LAMP2: variants seen among roughly 807,000 people sequenced by gnomAD.
The protein encoded by LAMP2 is lysosome-associated membrane glycoprotein 2.
In LAMP2, 4 loss-of-function variants were observed where a neutral mutation model predicts 25.6. The observed-to-expected ratio is 0.16, with a 90% CI of 0.08 to 0.36. The LOEUF is 0.36. LAMP2 is among the 10% of genes least tolerant of loss of function. The pLI, the probability that LAMP2 is intolerant of heterozygous loss-of-function variation, is 1.00. For synonymous variants in LAMP2, 108 were observed against 112.7 expected (o/e 0.96, Z 0.27); for missense variants, 272 against 301.4 (o/e 0.90, Z 0.72).
In LAMP2 at chrX:120,445,845, A is replaced by T. The variant is rs144908531; in HGVS notation, c.864+460T>A. On this transcript the variant is annotated intron_variant, in intron 6 of 8. Coordinates refer to ENST00000200639, the MANE Select transcript of LAMP2 (RefSeq NM_002294.3). ...ACACACTTAACACAGAGCTTTGTAC[A>T]TAGTAAGTACTCAATAGATGTTACC... 3.6e-3 allele frequency among the ~76,000 whole-genome samples: 403 copies of T among 112,359 alleles called. 3 individuals carry two copies. Among genetic ancestry groups the T allele is most frequent in the African/African-American group, 0.013 (393 of 30,924 alleles).
chrX:120,462,913 G>A (rs761716380), intron 1 of LAMP2, among the ~76,000 whole-genome samples: 7 of 112,008 alleles, frequency 6.2e-5, no homozygotes, highest in African/African-American at 1.9e-4. Context: ...AGAGCTAAAA[G>A]AAATTTGCCA....
chrX:120,439,645 G>A (rs865966034), intron 8 of LAMP2, among the ~76,000 whole-genome samples: 5 of 108,685 alleles, frequency 4.6e-5, no homozygotes, highest in Admixed American at 9.9e-5. Flanking sequence ...CATTATATAT[G>A]ATATATAATG....
At chrX:120,439,354 G>T in intron 8 of LAMP2, 1 of 1,052,878 alleles carries the variant, frequency 9.5e-7, no homozygotes, top group Non-Finnish European at 1.3e-6. Context: ...ATGTCTCGAA[G>T]TCAAAGATGT....
In LAMP2 at chrX:120,467,193, C is replaced by T. The variant is rs778679647; in HGVS notation, c.64+1913G>A. On this transcript the variant is annotated intron_variant, in intron 1 of 8. Transcript: ENST00000200639. ...TATTCCGAAGTTTTGATTTCACAGA[C>T]GCATGAAAAGGTCCTCGAGAGTCAC... 2.8e-5 allele frequency among the ~76,000 whole-genome samples: 3 copies of T among 109,083 alleles called. No individual in the cohort carries two copies. In the East Asian group the frequency reaches 8.6e-4, roughly 31 times the overall value. 94.7% of individuals were successfully genotyped at this position (109,083 alleles called of 115,157 possible). A position where few individuals can be genotyped will look rare whatever the true frequency, so the allele number is the denominator to read the frequency against.
Position 120,429,091 on chromosome X carries a change from T to C in LAMP2, c.*2232A>G, listed in dbSNP as rs2058511187. The C allele has an allele frequency of 1.9e-6, 1 of 520,418 alleles. No homozygotes were observed. Among genetic ancestry groups the C allele is most frequent in the Admixed American group, 9.5e-5 (1 of 10,582 alleles). 42.9% of individuals were successfully genotyped at this position (520,418 alleles called of 1,213,427 possible). A position where few individuals can be genotyped will look rare whatever the true frequency, so the allele number is the denominator to read the frequency against. On this transcript the variant is annotated 3_prime_UTR_variant, in exon 9 of 9. Coordinates refer to ENST00000200639, the MANE Select transcript of LAMP2 (RefSeq NM_002294.3). ...ATATATATACATATATATGTGTGTG[T>C]ATATATATGTGTATATATATGTATA...
intron 1 of LAMP2, among the ~76,000 whole-genome samples, chrX:120,458,072 T>G (rs1921170978): frequency 9.0e-6 from 1 of 111,509 alleles, no homozygotes; most frequent in Non-Finnish European, 1.9e-5. Context: ...CCTAAGTAGG[T>G]TTTATGATCA....
chrX:120,441,749 T>G lies in LAMP2; in HGVS notation c.1074A>C (p.Thr358=), dbSNP rs1485191708. The G allele has an allele frequency of 1.7e-6, 2 of 1,207,014 alleles. No homozygotes were observed. The highest frequency in any genetic ancestry group is 2.2e-6 in the Non-Finnish European group (2 of 891,035). The change falls in exon 8 of 9, where the codon ACA becomes ACC. Residue 358 remains threonine, a synonymous_variant. Coordinates refer to ENST00000200639, the MANE Select transcript of LAMP2 (RefSeq NM_002294.3). ...FDLRVQPFNV[T]QGKYSTAQDC... is the part of the protein sequence containing the mutation. The stretch of plus-strand genomic sequence containing the variant: ...TCTTACCTGTAGAATACTTTCCTTG[T>G]GTCACATTGAAAGGCTGAACCCTTA...
chrX:120,426,350 A>G lies in LAMP2; in HGVS notation c.*4973T>C, dbSNP rs2058498901. Among the ~76,000 whole-genome samples, 1 of 108,125 alleles carries G rather than the reference A, an allele frequency of 9.2e-6. No homozygotes were observed. The highest frequency in any genetic ancestry group is 1.0e-4 in the Admixed American group (1 of 9,852). 93.9% of individuals were successfully genotyped at this position (108,125 alleles called of 115,157 possible). Reference sequence around the variant, plus strand: ...TGAAAAACAATTGTTTACATTCACCAGTTCAAAGTCGTACTGTCTGATCCA... The same window carrying G: ...TGAAAAACAATTGTTTACATTCACCGGTTCAAAGTCGTACTGTCTGATCCA... On this transcript the variant is annotated 3_prime_UTR_variant, in exon 9 of 9. Coordinates refer to ENST00000200639, the MANE Select transcript of LAMP2 (RefSeq NM_002294.3).
chrX:120,442,734 C>T, intron 6 of LAMP2, 72 bp from the exon 7 acceptor site: 1 of 827,077 alleles, frequency 1.2e-6, no homozygotes, highest in African/African-American at 2.0e-5. Flanking sequence ...GGTTAATACC[C>T]ACAGAAGAAA....
At chrX:120,458,841 T>A (rs1921208005) in intron 1 of LAMP2, among the ~76,000 whole-genome samples, 1 of 111,291 alleles carries the variant, frequency 9.0e-6, no homozygotes, top group Admixed American at 9.6e-5. Flanking sequence ...AATCTTTGTC[T>A]TTTATTTCTA....
Position 120,428,769 on chromosome X carries a change from A to G in LAMP2, c.*2554T>C. 1 of 1,048,197 alleles carries G rather than the reference A, an allele frequency of 9.5e-7. No individual in the cohort carries two copies. The highest frequency in any genetic ancestry group is 1.2e-6 in the Non-Finnish European group (1 of 819,640). The allele number at this position is 1,048,197 out of a possible 1,213,427, so 86.4% of individuals were successfully genotyped here. A position where few individuals can be genotyped will look rare whatever the true frequency, so the allele number is the denominator to read the frequency against. ...TTACCTCTATTTTCTTATTTGCTCA[A>G]TATCTCATTATCACTTTATCTAAAA... On this transcript the variant is annotated 3_prime_UTR_variant, in exon 9 of 9. Transcript: ENST00000200639.
At chrX:120,463,732 T>TTTA (rs1569373033) in intron 1 of LAMP2, among the ~76,000 whole-genome samples, 6 of 110,250 alleles carry the variant, frequency 5.4e-5, no homozygotes, top group African/African-American at 1.7e-4. Flanking sequence ...GATGTGACAA[T>TTTA]CTGATATTTG....
intron 1 of LAMP2, among the ~76,000 whole-genome samples, chrX:120,464,662 A>G (rs1002191833): frequency 5.4e-5 from 6 of 112,036 alleles, no homozygotes; most frequent in African/African-American, 2.0e-4. Context: ...CTGACCACAT[A>G]ATATAAAGAA....
intron 2 of LAMP2, among the ~76,000 whole-genome samples, chrX:120,456,216 G>T (rs1449701273): frequency 1.8e-5 from 2 of 108,268 alleles, no homozygotes; most frequent in Non-Finnish European, 3.8e-5. Context: ...AAGTTTTTTT[G>T]TAGAGATGAG....
Position 120,430,916 on chromosome X carries a change from T to C in LAMP2, c.*407A>G. 1.2e-6 allele frequency: 1 copy of C among 809,745 alleles called. No individual in the cohort carries two copies. The highest frequency in any genetic ancestry group is 1.5e-6 in the Non-Finnish European group (1 of 671,156). The allele number at this position is 809,745 out of a possible 1,213,427, so 66.7% of individuals were successfully genotyped here. On this transcript the variant is annotated 3_prime_UTR_variant, in exon 9 of 9. Coordinates refer to ENST00000200639, the MANE Select transcript of LAMP2 (RefSeq NM_002294.3). ...TGATGAGTTTAAATCACTATAGTCC[T>C]TATACATTGAAACAGAACACCAGTA...
intron 1 of LAMP2, among the ~76,000 whole-genome samples, chrX:120,464,365 G>C (rs991979730): frequency 9.0e-6 from 1 of 111,285 alleles, no homozygotes; most frequent in Non-Finnish European, 1.9e-5. Context: ...GCCCACCAAT[G>C]AATATCTTCA....
At chrX:120,458,800 AT>A (rs1298452398) in intron 1 of LAMP2, among the ~76,000 whole-genome samples, 1 of 111,063 alleles carries the variant, frequency 9.0e-6, no homozygotes, top group East Asian at 2.8e-4. Flanking sequence ...AGTCCTATTG[AT>A]TTTTTTCCTT....
At chrX:120,456,318 G>T (rs997839130) in intron 2 of LAMP2, among the ~76,000 whole-genome samples, 5 of 111,163 alleles carry the variant, frequency 4.5e-5, no homozygotes, top group African/African-American at 1.6e-4. Context: ...ACCATGCCCA[G>T]ATGGGAAGCT....
At chrX:120,432,228 G>C (rs1432036279) in intron 8 of LAMP2, among the ~76,000 whole-genome samples, 1 of 110,882 alleles carries the variant, frequency 9.0e-6, no homozygotes, top group Non-Finnish European at 1.9e-5. Flanking sequence ...AAATAGCACA[G>C]ACAAAAATAT....
Sources: gnomAD v4.1 joint callset for allele counts (sites outside exome capture counted in the v4.1 genomes callset) on GRCh38, gnomAD v4.1.1 for gene constraint, MANE v1.5 for transcripts, NCBI Gene and HGNC (gene_info 2026-07-23, HGNC 2026-07-21) for gene names.